Variants in ROBO1 observed in about 807,000 individuals in gnomAD.
The protein encoded by ROBO1 is roundabout homolog 1.
A neutral mutation model predicts 195.9 loss-of-function variants in ROBO1; 149 were observed. The ratio of observed to expected loss-of-function variants is 0.76; its 90% CI spans 0.67 to 0.87. The LOEUF is 0.87. Ranked by LOEUF, ROBO1 falls within the 40% of genes least tolerant of loss-of-function variation. The probability of loss-of-function intolerance (pLI) is 0.00; values close to 1 mark genes in which losing one functional copy is unlikely to be tolerated. For synonymous variants in ROBO1, 816 were observed against 733.2 expected (o/e 1.11, Z -1.82); for missense variants, 1,933 against 2,068.3 (o/e 0.93, Z 1.27).
intron 3 of ROBO1, among the ~76,000 whole-genome samples, chr3:79,050,390 T>A (rs2078674284): frequency 6.6e-6 from 1 of 152,062 alleles, no homozygotes; most frequent in Non-Finnish European, 1.5e-5. Context: ...GCACCCAGAT[T>A]CATAACACAA....
At chr3:78,971,740 TA>T (rs1399714311) in intron 3 of ROBO1, among the ~76,000 whole-genome samples, 1 of 151,578 alleles carries the variant, frequency 6.6e-6, no homozygotes, top group Non-Finnish European at 1.5e-5. Flanking sequence ...ATCTTTTAAA[TA>T]TTTTTTTTGT....
intron 4 of ROBO1, among the ~76,000 whole-genome samples, chr3:78,894,348 A>G (rs1260715202): frequency 1.3e-5 from 2 of 152,220 alleles, no homozygotes; most frequent in African/African-American, 2.4e-5. Context: ...TAGGTAATTT[A>G]CATTTTAAAA....
chr3:79,610,622 T>C (rs1464714520), intron 1 of ROBO1, among the ~76,000 whole-genome samples: 1 of 152,036 alleles, frequency 6.6e-6, no homozygotes, highest in Non-Finnish European at 1.5e-5. Context: ...AATTGTTTAG[T>C]TAACAACACA....
intron 2 of ROBO1, among the ~76,000 whole-genome samples, chr3:79,498,119 T>A (rs1205517764): frequency 6.6e-6 from 1 of 152,202 alleles, no homozygotes; most frequent in Non-Finnish European, 1.5e-5. Flanking sequence ...GCTTTTACTA[T>A]CAACAAATAA....
At chr3:79,669,928 C>T (rs2106893505) in intron 1 of ROBO1, among the ~76,000 whole-genome samples, 1 of 151,868 alleles carries the variant, frequency 6.6e-6, no homozygotes, top group South Asian at 2.1e-4. Flanking sequence ...TTGCACTTTA[C>T]TTCTTATGCT....
chr3:79,226,656 T>C (rs2082233462), intron 2 of ROBO1, among the ~76,000 whole-genome samples: 1 of 151,472 alleles, frequency 6.6e-6, no homozygotes, highest in African/African-American at 2.4e-5. Context: ...TCCTCCCACC[T>C]CAGCCTCCTG....
At chr3:79,632,320 CT>C (rs1225676509) in intron 1 of ROBO1, among the ~76,000 whole-genome samples, 1 of 152,104 alleles carries the variant, frequency 6.6e-6, no homozygotes, top group Non-Finnish European at 1.5e-5. Flanking sequence ...GAAATCATGG[CT>C]TTTGCAGCAA....
At chr3:79,327,959 T>C (rs1210529955) in intron 2 of ROBO1, among the ~76,000 whole-genome samples, 1 of 152,192 alleles carries the variant, frequency 6.6e-6, no homozygotes, top group Non-Finnish European at 1.5e-5. Flanking sequence ...TCCTATATAA[T>C]ACATTAGACA....
intron 2 of ROBO1, among the ~76,000 whole-genome samples, chr3:79,186,720 C>T (rs1482746568): frequency 6.6e-6 from 1 of 152,116 alleles, no homozygotes; most frequent in African/African-American, 2.4e-5. Context: ...TTACCATCCC[C>T]CTTCCTACCA....
intron 5 of ROBO1, among the ~76,000 whole-genome samples, chr3:78,722,660 A>G (rs539381305): frequency 2.0e-5 from 3 of 152,190 alleles, no homozygotes; most frequent in Non-Finnish European, 4.4e-5. Context: ...AAACCCAAAG[A>G]CAACAAAATA....
At position 78,779,139 on chromosome 3, in the gene ROBO1, A is replaced by T. The variant is rs550043176; in HGVS notation, c.500-32239T>A. The stretch of plus-strand genomic sequence containing the variant: ...ATTAAAGACTTAAATGTAAAACCTA[A>T]AACCATAAAAACCCTAGAAGAAAAT... On this transcript the variant is annotated intron_variant, in intron 4 of 30. Coordinates refer to ENST00000464233, the MANE Select transcript of ROBO1 (RefSeq NM_002941.4). Among the ~76,000 whole-genome samples, 12 of 152,316 alleles carry T rather than the reference A, an allele frequency of 7.9e-5. No homozygotes were observed. In the East Asian group the frequency reaches 2.3e-3, roughly 29 times the overall value.
chr3:79,095,532 T>C (rs2079551502), intron 3 of ROBO1, among the ~76,000 whole-genome samples: 1 of 152,054 alleles, frequency 6.6e-6, no homozygotes, highest in African/African-American at 2.4e-5. Flanking sequence ...ACCAGGTGAT[T>C]GAAGCCCCTA....
At chr3:79,038,975 A>G (rs1042073501) in intron 3 of ROBO1, among the ~76,000 whole-genome samples, 1 of 152,176 alleles carries the variant, frequency 6.6e-6, no homozygotes, top group Non-Finnish European at 1.5e-5. Flanking sequence ...CTCTATGCAG[A>G]AGAGAAGCAT....
intron 1 of ROBO1, among the ~76,000 whole-genome samples, chr3:79,687,151 A>C (rs1361378013): frequency 6.6e-6 from 1 of 152,206 alleles, no homozygotes; most frequent in Non-Finnish European, 1.5e-5. Flanking sequence ...TGCTGGGAAA[A>C]CTGGCTAGCC....
chr3:79,453,056 C>A (rs1033572273), intron 2 of ROBO1, among the ~76,000 whole-genome samples: 10 of 152,022 alleles, frequency 6.6e-5, no homozygotes, highest in Admixed American at 2.6e-4. Context: ...AAGTTGATTT[C>A]CAAAGAATGG....
intron 3 of ROBO1, among the ~76,000 whole-genome samples, chr3:79,068,709 A>G (rs2079041106): frequency 6.6e-6 from 1 of 151,818 alleles, no homozygotes; most frequent in African/African-American, 2.4e-5. Context: ...ATTCATTGCT[A>G]AACTTACAAT....
chr3:78,962,651 C>T (rs936660541), intron 3 of ROBO1, among the ~76,000 whole-genome samples: 3 of 151,958 alleles, frequency 2.0e-5, no homozygotes, highest in African/African-American at 7.2e-5. Flanking sequence ...CGGTGAAACC[C>T]CGTCTCTACT....
intron 2 of ROBO1, among the ~76,000 whole-genome samples, chr3:79,416,392 C>T (rs2038001774): frequency 6.7e-6 from 1 of 150,176 alleles, no homozygotes; most frequent in African/African-American, 2.5e-5. Flanking sequence ...TAGCTTGAGA[C>T]TAGGAGTTCA....
At chr3:79,375,810 C>G (rs938323537) in intron 2 of ROBO1, among the ~76,000 whole-genome samples, 1 of 152,188 alleles carries the variant, frequency 6.6e-6, no homozygotes, top group Non-Finnish European at 1.5e-5. Context: ...TTAATATACA[C>G]GCTACCAGAA....
Sources: gnomAD v4.1 joint callset for allele counts (sites outside exome capture counted in the v4.1 genomes callset) on GRCh38, gnomAD v4.1.1 for gene constraint, MANE v1.5 for transcripts, NCBI Gene and HGNC (gene_info 2026-07-23, HGNC 2026-07-21) for gene names.